The following VGLL3 variants were observed in gnomAD, a reference collection of about 807,000 sequenced individuals.
VGLL3 encodes the protein transcription cofactor vestigial-like protein 3.
Under a neutral mutation model 29.2 loss-of-function variants are expected in VGLL3, and 18 were observed. The observed-to-expected ratio is 0.62, with a 90% confidence interval of 0.43 to 0.91. The LOEUF is 0.91. VGLL3 is among the 40% of genes least tolerant of loss of function. VGLL3 has a pLI of 0.00. For missense variants in VGLL3, 440 were observed against 413.2 expected, an observed-to-expected ratio of 1.06 and a Z score of -0.56; for synonymous variants, 180 against 151.8, an observed-to-expected ratio of 1.19 and a Z score of -1.36.
chr3:86,964,424 T>G (rs1181374088), intron 3 of VGLL3, among the ~76,000 whole-genome samples: 1 of 152,224 alleles, frequency 6.6e-6, no homozygotes, highest in Non-Finnish European at 1.5e-5. Context: ...TTTCAAGGTT[T>G]TCTTAATTTC....
Position 86,946,765 on chromosome 3 carries a change from A to T in VGLL3, c.*259T>A, listed in dbSNP as rs1261048926. ...AAAAACTTAGCTATATATTGATAAA[A>T]GCAAGATAACAAAAGGAGAGAGTTG... On this transcript the variant is annotated 3_prime_UTR_variant, in exon 4 of 4. Transcript: ENST00000398399. 5.3e-6 allele frequency: 2 copies of T among 376,296 alleles called. No homozygotes were observed. The highest frequency in any genetic ancestry group is 9.5e-6 in the Non-Finnish European group (2 of 210,174). The allele number at this position is 376,296 out of a possible 1,614,324, so 23.3% of individuals were successfully genotyped here. A position where few individuals can be genotyped will look rare whatever the true frequency, so the allele number is the denominator to read the frequency against.
intron 3 of VGLL3, among the ~76,000 whole-genome samples, chr3:86,960,283 C>T (rs1039257116): frequency 6.6e-6 from 1 of 151,964 alleles, no homozygotes; most frequent in Non-Finnish European, 1.5e-5. Flanking sequence ...AGTTTACTGG[C>T]CTTAAACCAT....
At chr3:86,972,605 G>A (rs1705127105) in intron 2 of VGLL3, among the ~76,000 whole-genome samples, 1 of 152,112 alleles carries the variant, frequency 6.6e-6, no homozygotes, top group Non-Finnish European at 1.5e-5. Context: ...TTGCTTATGA[G>A]TACTTAATCA....
chr3:86,955,380 C>CTTTTTTT (rs67190879), intron 3 of VGLL3, among the ~76,000 whole-genome samples: 1 of 131,708 alleles, frequency 7.6e-6, no homozygotes, highest in African/African-American at 2.9e-5. Flanking sequence ...CTCTCTCTCT[C>CTTTTTTT]TTTTTTTTTT....
At position 86,940,871 on chromosome 3, in the gene VGLL3, A is replaced by G. The variant is rs6788631; in HGVS notation, c.*6153T>C. The G allele has an allele frequency of 0.095, 14,524 of 152,380 alleles. 900 individuals are homozygous for G. Among genetic ancestry groups the G allele is most frequent in the Middle Eastern group, 0.16 (45 of 286 alleles). The allele number at this position is 152,380 out of a possible 1,614,324, so 9.4% of individuals were successfully genotyped here. On this transcript the variant is annotated 3_prime_UTR_variant, in exon 4 of 4. Coordinates refer to ENST00000398399, the MANE Select transcript of VGLL3 (RefSeq NM_016206.4). ...ATACTTTTTTTATTAGTTAAAAATG[A>G]CAGCATAACTAAGGTTAATTTTTAT...
chr3:86,979,518 G>T (rs1575877827), intron 1 of VGLL3, among the ~76,000 whole-genome samples: 2 of 152,052 alleles, frequency 1.3e-5, no homozygotes, highest in East Asian at 3.9e-4. Context: ...TTAAAAATGA[G>T]AAAGATTTGT....
chr3:86,946,955 C>A lies in VGLL3; in HGVS notation c.*69G>T. 3 of 767,764 alleles carry A rather than the reference C, an allele frequency of 3.9e-6. No individual in the cohort carries two copies. The South Asian group carries it at 4.2e-5, about 11-fold the overall frequency. 47.6% of individuals were successfully genotyped at this position (767,764 alleles called of 1,614,324 possible). On this transcript the variant is annotated 3_prime_UTR_variant, in exon 4 of 4. Transcript: ENST00000398399. ...CGTGTCCTATTGCTGAATGGAAAAA[C>A]CCGACAGTATCTTTTCCCAGTGGGC...
intron 3 of VGLL3, among the ~76,000 whole-genome samples, chr3:86,959,590 C>T (rs1704796634): frequency 2.0e-5 from 3 of 152,112 alleles, no homozygotes; most frequent in Non-Finnish European, 4.4e-5. Flanking sequence ...GATTCATCTC[C>T]ATTTCATTGT....
intron 3 of VGLL3, among the ~76,000 whole-genome samples, chr3:86,955,350 A>T (rs927513820): frequency 1.3e-5 from 2 of 150,864 alleles, no homozygotes; most frequent in Non-Finnish European, 3.0e-5. Context: ...TTGCATTGAC[A>T]TCAGAAACTT....
At chr3:86,976,140 G>C (rs936256169) in intron 2 of VGLL3, among the ~76,000 whole-genome samples, 2 of 151,930 alleles carry the variant, frequency 1.3e-5, no homozygotes, top group African/African-American at 4.8e-5. Context: ...TAAAGCATCT[G>C]TTCTCCACCT....
At chr3:86,964,558 T>C (rs1464093296) in intron 3 of VGLL3, among the ~76,000 whole-genome samples, 1 of 152,162 alleles carries the variant, frequency 6.6e-6, no homozygotes, top group East Asian at 1.9e-4. Context: ...GGTGATGGTA[T>C]AAGAAAGCGA....
Position 86,946,775 on chromosome 3 carries a change from C to A in VGLL3, c.*249G>T. 7.8e-6 allele frequency: 3 copies of A among 385,286 alleles called. No homozygotes were observed. Among genetic ancestry groups the A allele is most frequent in the South Asian group, 7.0e-5 (1 of 14,218 alleles). 23.9% of individuals were successfully genotyped at this position (385,286 alleles called of 1,614,324 possible). ...CTATATATTGATAAAAGCAAGATAA[C>A]AAAAGGAGAGAGTTGCACAGTTGGC... On this transcript the variant is annotated 3_prime_UTR_variant, in exon 4 of 4. Transcript: ENST00000398399.
chr3:86,990,136 G>T (rs1218293661), intron 1 of VGLL3, among the ~76,000 whole-genome samples: 1 of 152,186 alleles, frequency 6.6e-6, no homozygotes, highest in Non-Finnish European at 1.5e-5. Flanking sequence ...CATTATGCTA[G>T]ACCAGTGTTC....
At chr3:86,947,278 C>A (rs774166465) in intron 3 of VGLL3, among the ~76,000 whole-genome samples, 10 of 152,114 alleles carry the variant, frequency 6.6e-5, no homozygotes, top group Non-Finnish European at 1.5e-4. Context: ...GTGACAAAAA[C>A]ACAAGACTAG....
chr3:86,990,162 A>T, intron 1 of VGLL3: 1 of 237,804 alleles, frequency 4.2e-6, no homozygotes, highest in Non-Finnish European at 6.8e-6. Flanking sequence ...TGAAAGTCCC[A>T]GATCATTTCG....
rs1456438299 is a variant in VGLL3, at chr3:86,943,616, A to G, written c.*3408T>C. Reference sequence around the variant, plus strand: ...CAATCTTAGCCATTTTTGCTTAACAAAATAATATAAATACTCTTAAGAAGA... The same window carrying G: ...CAATCTTAGCCATTTTTGCTTAACAGAATAATATAAATACTCTTAAGAAGA... On this transcript the variant is annotated 3_prime_UTR_variant, in exon 4 of 4. Transcript: ENST00000398399. 1 of 152,152 alleles carries G rather than the reference A, an allele frequency of 6.6e-6. No homozygotes were observed. Among genetic ancestry groups the G allele is most frequent in the African/African-American group, 2.4e-5 (1 of 41,436 alleles). The allele number at this position is 152,152 out of a possible 1,614,324, so 9.4% of individuals were successfully genotyped here. A position where few individuals can be genotyped will look rare whatever the true frequency, so the allele number is the denominator to read the frequency against.
At chr3:86,953,024 C>G (rs919622518) in intron 3 of VGLL3, among the ~76,000 whole-genome samples, 19 of 152,128 alleles carry the variant, frequency 1.2e-4, no homozygotes, top group Admixed American at 1.0e-3. Flanking sequence ...TTAACACTTG[C>G]AAGAGAAAAA....
At chr3:86,953,387 C>T (rs1012597275) in intron 3 of VGLL3, among the ~76,000 whole-genome samples, 1 of 152,018 alleles carries the variant, frequency 6.6e-6, no homozygotes, top group Non-Finnish European at 1.5e-5. Context: ...ACCCAATTCT[C>T]TATAGATGTA....
chr3:86,955,741 CAA>C (rs781126775), intron 3 of VGLL3, among the ~76,000 whole-genome samples: 2 of 152,106 alleles, frequency 1.3e-5, no homozygotes, highest in South Asian at 2.1e-4. Context: ...TGACATTTTC[CAA>C]AAGAGACTGT....
Sources: gnomAD v4.1 joint callset for allele counts (sites outside exome capture counted in the v4.1 genomes callset) on GRCh38, gnomAD v4.1.1 for gene constraint, MANE v1.5 for transcripts, NCBI Gene and HGNC (gene_info 2026-07-23, HGNC 2026-07-21) for gene names.